The following PTPRN2 variants were observed in gnomAD, a reference collection of about 807,000 sequenced individuals.
PTPRN2 encodes the protein protein tyrosine phosphatase receptor type N2.
In PTPRN2, 74 loss-of-function variants were observed where a neutral mutation model predicts 118.8. The ratio of observed to expected loss-of-function variants is 0.62; its 90% CI spans 0.52 to 0.76. The LOEUF is 0.76. Ranked by LOEUF, PTPRN2 falls within the 30% of genes least tolerant of loss-of-function variation. The probability of loss-of-function intolerance (pLI) is 0.00; values close to 1 mark genes in which losing one functional copy is unlikely to be tolerated. For missense variants in PTPRN2, 1,481 were observed against 1,394.4 expected (o/e 1.06, Z -0.99); for synonymous variants, 641 against 608.0 (o/e 1.05, Z -0.80).
At chr7:157,694,293 C>A (rs1797663903) in intron 12 of PTPRN2, among the ~76,000 whole-genome samples, 1 of 152,172 alleles carries the variant, frequency 6.6e-6, no homozygotes, top group African/African-American at 2.4e-5. Context: ...CTGAAAGGTT[C>A]CATGCGGGTT....
At chr7:158,399,948 G>A (rs1021116250) in intron 2 of PTPRN2, among the ~76,000 whole-genome samples, 3 of 152,186 alleles carry the variant, frequency 2.0e-5, no homozygotes, top group Non-Finnish European at 4.4e-5. Context: ...GCGAAGCTGG[G>A]AGGGGCGGCG....
At chr7:158,400,829 G>A (rs1170781163) in intron 2 of PTPRN2, among the ~76,000 whole-genome samples, 1 of 152,044 alleles carries the variant, frequency 6.6e-6, no homozygotes, top group African/African-American at 2.4e-5. Flanking sequence ...CAGCTGAGAC[G>A]GATCCTCAGG....
At chr7:158,550,719 A>G (rs913812076) in intron 1 of PTPRN2, among the ~76,000 whole-genome samples, 3 of 152,174 alleles carry the variant, frequency 2.0e-5, no homozygotes, top group African/African-American at 7.2e-5. Context: ...TTCAATGTCT[A>G]ATCTATTTCT....
intron 1 of PTPRN2, among the ~76,000 whole-genome samples, chr7:158,566,130 A>C (rs1211634449): frequency 6.6e-6 from 1 of 152,184 alleles, no homozygotes; most frequent in Non-Finnish European, 1.5e-5. Context: ...AGGTGGGTGG[A>C]TCACCTGAGG....
At chr7:158,257,166 C>T (rs1797074390) in intron 3 of PTPRN2, among the ~76,000 whole-genome samples, 1 of 152,178 alleles carries the variant, frequency 6.6e-6, no homozygotes, top group Admixed American at 6.5e-5. Context: ...CTGTCTACCA[C>T]CCAGGTCAGC....
In PTPRN2 at chr7:158,310,819, C is replaced by T. The variant is rs893513785; in HGVS notation, c.277+6000G>A. On this transcript the variant is annotated intron_variant, in intron 3 of 22. Coordinates refer to ENST00000389418, the MANE Select transcript of PTPRN2 (RefSeq NM_002847.5). ...GACAGAGCGCAAGTCCCACGGAGGG[C>T]GAGCCCTGAGCCGGACAGAGCGCAA... Among the ~76,000 whole-genome samples, 80 of 148,140 alleles carry T rather than the reference C, an allele frequency of 5.4e-4. 2 individuals carry two copies. The highest frequency in any genetic ancestry group is 1.9e-3 in the African/African-American group (74 of 39,478).
At chr7:158,177,104 C>G (rs1382779387) in intron 5 of PTPRN2, among the ~76,000 whole-genome samples, 1 of 152,230 alleles carries the variant, frequency 6.6e-6, no homozygotes, top group African/African-American at 2.4e-5. Context: ...CGTCCCTCCT[C>G]TTGGATAGAC....
At chr7:158,007,051 C>T (rs1184719638) in intron 11 of PTPRN2, among the ~76,000 whole-genome samples, 1 of 152,206 alleles carries the variant, frequency 6.6e-6, no homozygotes, top group Non-Finnish European at 1.5e-5. Context: ...ACTGCGCAGG[C>T]TGGCGGGCGG....
rs1471427510 is a variant in PTPRN2, at chr7:157,986,074, G to C, written c.1724-87337C>G. Among the ~76,000 whole-genome samples the C allele has an allele frequency of 1.3e-5, 2 of 152,232 alleles. No individual in the cohort carries two copies. Among genetic ancestry groups the C allele is most frequent in the African/African-American group, 4.8e-5 (2 of 41,460 alleles). ...CAAACACACTTCCTGCTTCCAGATGGATGGAGGTGGGAGGAGGGAGGGGTT... is the reference window on the plus strand; with the variant it reads ...CAAACACACTTCCTGCTTCCAGATGCATGGAGGTGGGAGGAGGGAGGGGTT... On this transcript the variant is annotated intron_variant, in intron 11 of 22. Coordinates refer to ENST00000389418, the MANE Select transcript of PTPRN2 (RefSeq NM_002847.5). This position sits in a 1 kb window ranked among gnomAD's most constrained non-coding sequence, Gnocchi z 4.5.
chr7:158,276,511 C>A (rs1230307744), intron 3 of PTPRN2, among the ~76,000 whole-genome samples: 1 of 151,352 alleles, frequency 6.6e-6, no homozygotes, highest in East Asian at 1.9e-4. Flanking sequence ...AAGGCAGCAC[C>A]CCCACACCCC....
intron 11 of PTPRN2, among the ~76,000 whole-genome samples, chr7:158,005,000 A>C (rs547743192): frequency 6.6e-6 from 1 of 152,276 alleles, no homozygotes; most frequent in South Asian, 2.1e-4. Flanking sequence ...TTTCCTCACA[A>C]GCCTCAGCAT....
At chr7:157,852,511 T>G (rs114585776) in intron 12 of PTPRN2, among the ~76,000 whole-genome samples, 4,537 of 152,280 alleles carry the variant, frequency 0.03, 87 homozygotes, top group South Asian at 0.11. Flanking sequence ...CATTCAATGG[T>G]GAAGGAGTGT....
intron 11 of PTPRN2, among the ~76,000 whole-genome samples, chr7:157,901,712 C>G (rs530411096): frequency 1.1e-5 from 1 of 93,062 alleles, no homozygotes; most frequent in Non-Finnish European, 2.3e-5. Context: ...GGGGCCTTCC[C>G]GTCCGTGTTT....
intron 15 of PTPRN2, among the ~76,000 whole-genome samples, chr7:157,613,793 G>A (rs10260609): frequency 5.3e-5 from 8 of 152,158 alleles, no homozygotes; most frequent in African/African-American, 1.9e-4. Flanking sequence ...CGTAGTCCTC[G>A]AGTCTCGGAG....
At chr7:157,646,316 G>A (rs913568230) in intron 14 of PTPRN2, among the ~76,000 whole-genome samples, 4 of 152,102 alleles carry the variant, frequency 2.6e-5, no homozygotes, top group Non-Finnish European at 5.9e-5. Context: ...AGGCTTTCCT[G>A]AGATGGTGTT....
rs1338557068 is a variant in PTPRN2 at position 158,586,508 on chromosome 7, C to T, written c.112+1050G>A. 2.0e-5 allele frequency among the ~76,000 whole-genome samples: 3 copies of T among 152,344 alleles called. No individual in the cohort carries two copies. The East Asian group carries it at 5.8e-4, about 29-fold the overall frequency. On this transcript the variant is annotated intron_variant, in intron 1 of 22. Transcript: ENST00000389418. ...ACCCCGTGGACACCGATTATCCTAA[C>T]CTGTCATGTGTAATTCTGGCCCCGA...
chr7:157,771,369 C>A (rs935370644), intron 12 of PTPRN2, among the ~76,000 whole-genome samples: 1 of 152,242 alleles, frequency 6.6e-6, no homozygotes, highest in African/African-American at 2.4e-5. Flanking sequence ...CCTGGGGTAC[C>A]TGCCCCCCCA....
chr7:158,317,092 G>A (rs1260739001), intron 2 of PTPRN2, among the ~76,000 whole-genome samples, 160 bp from the exon 3 acceptor site: 1 of 152,224 alleles, frequency 6.6e-6, no homozygotes, highest in Admixed American at 6.5e-5. Flanking sequence ...AGCACCCGGA[G>A]GATGCTGGTT....
rs1804003811 is a variant in PTPRN2 at position 157,785,861 on chromosome 7, T to G, written c.1789-102924A>C. On this transcript the variant is annotated intron_variant, in intron 12 of 22. Transcript: ENST00000389418. This position sits in a 1 kb window ranked among gnomAD's most constrained non-coding sequence, Gnocchi z 7.3. ...CCCTTCTGCACAACAGCGGAGGTTTTCCTGGAGTTCATAATCACTGGTTTT... is the reference window on the plus strand; with the variant it reads ...CCCTTCTGCACAACAGCGGAGGTTTGCCTGGAGTTCATAATCACTGGTTTT... Among the ~76,000 whole-genome samples, 1 of 152,048 alleles carries G rather than the reference T, an allele frequency of 6.6e-6. No homozygotes were observed. The highest frequency in any genetic ancestry group is 2.1e-4 in the South Asian group (1 of 4,820).
Sources: allele counts gnomAD v4.1 joint callset (sites outside exome capture counted in the v4.1 genomes callset), GRCh38; gene constraint gnomAD v4.1.1; non-coding constraint Gnocchi (gnomAD v3.1); transcripts MANE v1.5; gene names NCBI Gene and HGNC (gene_info 2026-07-23, HGNC 2026-07-21).